Variants in GGCX observed in about 807,000 individuals in gnomAD.
GGCX encodes vitamin K-dependent gamma-carboxylase.
In GGCX, 63 loss-of-function variants were observed where a neutral mutation model predicts 88.5. That is an observed-to-expected ratio of 0.71 (90% confidence interval 0.58 to 0.88). The LOEUF is 0.88. Among genes scored for constraint, GGCX ranks in the 40% least tolerant of loss-of-function variants. The pLI, the probability that GGCX is intolerant of heterozygous loss-of-function variation, is 0.00. For missense variants in GGCX, 805 were observed against 932.9 expected, an observed-to-expected ratio of 0.86 and a Z score of 1.79; for synonymous variants, 368 against 365.8, an observed-to-expected ratio of 1.01 and a Z score of -0.07.
At position 85,544,921 on chromosome 2, in the gene GGCX, A is replaced by G. The variant is rs1691582602; in HGVS notation, c.*5013T>C. The G allele has an allele frequency of 6.6e-6, 1 of 152,536 alleles. No homozygotes were observed. 9.4% of individuals were successfully genotyped at this position (152,536 alleles called of 1,614,324 possible). On this transcript the variant is annotated 3_prime_UTR_variant, in exon 15 of 15. Transcript: ENST00000233838. ...AAGTACAGAGAAGCCATCACCTCAG[A>G]TGGCAGCTTTTAAAAGATTTTTTTT...
rs1691683596 is a variant in GGCX at position 85,546,707 on chromosome 2, A to G, written c.*3227T>C. On this transcript the variant is annotated 3_prime_UTR_variant, in exon 15 of 15. Transcript: ENST00000233838. ...CCAGAGCAAGGTTCCTTCTCAAAAA[A>G]CTTGGAAATCTGTTGGGAAGTAGGG... is the stretch of plus-strand genomic sequence containing the variant. 1 of 152,252 alleles carries G rather than the reference A, an allele frequency of 6.6e-6. No individual in the cohort carries two copies. The highest frequency in any genetic ancestry group is 1.5e-5 in the Non-Finnish European group (1 of 68,086). 9.4% of individuals were successfully genotyped at this position (152,252 alleles called of 1,614,324 possible). A position where few individuals can be genotyped will look rare whatever the true frequency, so the allele number is the denominator to read the frequency against.
chr2:85,561,115 G>A, intron 1 of GGCX, 130 bp from the exon 2 acceptor site: 1 of 799,204 alleles, frequency 1.3e-6, no homozygotes, highest in Non-Finnish European at 2.2e-6. Flanking sequence ...TCAATGATCT[G>A]ACTATAGGAA....
In GGCX at chr2:85,558,616, T is replaced by C. The variant is rs772475416; in HGVS notation, c.374-11A>G. 6.2e-7 allele frequency: 1 copy of C among 1,609,632 alleles called. No homozygotes were observed. Among genetic ancestry groups the C allele is most frequent in the South Asian group, 1.1e-5 (1 of 91,000 alleles). Reference sequence around the variant, plus strand: ...TCATGCCCAGTGCCCCTGGGATTTGTAGGGAGAGGATTAAGAGGTCAAGAG... The same window carrying C: ...TCATGCCCAGTGCCCCTGGGATTTGCAGGGAGAGGATTAAGAGGTCAAGAG... On this transcript the variant is annotated splice_polypyrimidine_tract_variant and intron_variant, in intron 3 of 14. Coordinates refer to ENST00000233838, the MANE Select transcript of GGCX (RefSeq NM_000821.7).
In GGCX at chr2:85,556,217, C is replaced by A; in HGVS notation, c.583G>T (p.Val195Leu). 6.2e-7 allele frequency: 1 copy of A among 1,613,206 alleles called. No homozygotes were observed. Among genetic ancestry groups the A allele is most frequent in the Non-Finnish European group, 8.5e-7 (1 of 1,179,172 alleles). Reference protein sequence around the residue: ...LLNAHRRNAHVPLWNYAVLRG... With the variant: ...LLNAHRRNAHLPLWNYAVLRG... ...AGCACTGCATAGTTCCAAAGGGGCA[C>A]GTGGGCATTCCTCCTATGGGCATTC... Residue 195 changes from valine to leucine, a missense_variant, in exon 5 of 15, where the codon GTG becomes TTG. Coordinates refer to ENST00000233838, the MANE Select transcript of GGCX (RefSeq NM_000821.7).
rs749076123 is a variant in GGCX, at chr2:85,551,551, G to T, written c.1669C>A (p.Gln557Lys). The change falls in exon 12 of 15, where the codon CAG (glutamine) becomes AAG (lysine). Residue 557 changes from glutamine to lysine, a missense_variant. Around this residue, in one of 3 missense-constraint regions of GGCX, gnomAD observed 680 missense variants for 763.7 expected, o/e 0.89. Transcript: ENST00000233838. ...DLGNTSIQLL[Q>K]GEVTVELVAE... ...ACAAGCTCCACAGTCACTTCCCCCT[G>T]CAGCAGCTGGATGCTAGTGTTGCCC... is the stretch of plus-strand genomic sequence containing the variant. 1 of 1,613,660 alleles carries T rather than the reference G, an allele frequency of 6.2e-7. No individual in the cohort carries two copies. The highest frequency in any genetic ancestry group is 1.1e-5 in the South Asian group (1 of 91,070).
chr2:85,551,788 G>T, intron 11 of GGCX, 24 bp downstream of exon 11: 1 of 1,607,298 alleles, frequency 6.2e-7, no homozygotes, highest in Non-Finnish European at 8.5e-7. Context: ...AGACAGAAAA[G>T]CCTCTCCTCA....
chr2:85,557,008 A>G (rs962343324), intron 4 of GGCX, among the ~76,000 whole-genome samples: 4 of 152,172 alleles, frequency 2.6e-5, no homozygotes, highest in African/African-American at 9.7e-5. Context: ...GTTCATACCT[A>G]TAATACCAAC....
rs771360828 is a variant in GGCX at position 85,558,630 on chromosome 2, A to G, written c.374-25T>C. On this transcript the variant is annotated intron_variant, in intron 3 of 14. Transcript: ENST00000233838. ...CCTGGGATTTGTAGGGAGAGGATTA[A>G]GAGGTCAAGAGATCACCACAGGCCC... 6.3e-5 allele frequency: 100 copies of G among 1,584,318 alleles called. 1 individual carries two copies. In the South Asian group the frequency reaches 9.1e-4, roughly 14 times the overall value.
Position 85,547,907 on chromosome 2 carries a change from A to G in GGCX, c.*2027T>C, listed in dbSNP as rs1409929245. On this transcript the variant is annotated 3_prime_UTR_variant, in exon 15 of 15. Coordinates refer to ENST00000233838, the MANE Select transcript of GGCX (RefSeq NM_000821.7). Reference sequence around the variant, plus strand: ...AAAATACAGATATAGGTAGTAATGAAAACAGATTTGGCTGGGCACGGTGGC... The same window carrying G: ...AAAATACAGATATAGGTAGTAATGAGAACAGATTTGGCTGGGCACGGTGGC... 6.6e-6 allele frequency: 1 copy of G among 152,208 alleles called. No individual in the cohort carries two copies. Among genetic ancestry groups the G allele is most frequent in the African/African-American group, 2.4e-5 (1 of 41,436 alleles). 9.4% of individuals were successfully genotyped at this position (152,208 alleles called of 1,614,324 possible).
In GGCX at chr2:85,561,377, TA is replaced by T; in HGVS notation, c.43+8del. 6.6e-7 allele frequency: 1 copy of T among 1,522,360 alleles called. No individual in the cohort carries two copies. The highest frequency in any genetic ancestry group is 8.9e-7 in the Non-Finnish European group (1 of 1,126,440). The allele number at this position is 1,522,360 out of a possible 1,614,324, so 94.3% of individuals were successfully genotyped here. A position where few individuals can be genotyped will look rare whatever the true frequency, so the allele number is the denominator to read the frequency against. On this transcript the variant is annotated splice_region_variant and intron_variant, in intron 1 of 14. Transcript: ENST00000233838. The stretch of plus-strand genomic sequence containing the variant: ...AACTCTCCGCCGGAGGGCGGGGTCC[TA>T]AGCCTACCTGAGCTGGGCGAGGTCC...
At position 85,550,012 on chromosome 2, in the gene GGCX, T is replaced by C; in HGVS notation, c.2199A>G (p.Glu733=). Residue 733 remains glutamate (E), a synonymous_variant, in exon 15 of 15, where the codon GAA becomes GAG. Coordinates refer to ENST00000233838, the MANE Select transcript of GGCX (RefSeq NM_000821.7). ...ANLRPFEAVG[E]LNPSNTDSSH... is the part of the protein sequence containing the mutation. ...AAGAATCCGTGTTTGAGGGATTCAG[T>C]TCTCCAACTGCCTCAAAGGGTCTCA... The C allele has an allele frequency of 6.2e-7, 1 of 1,612,484 alleles. No homozygotes were observed. The highest frequency in any genetic ancestry group is 8.5e-7 in the Non-Finnish European group (1 of 1,178,628).
chr2:85,558,802 G>A (rs1402126381), intron 3 of GGCX, 115 bp downstream of exon 3: 1 of 1,001,374 alleles, frequency 1.0e-6, no homozygotes, highest in African/African-American at 1.6e-5. Context: ...TCAACAGCAT[G>A]AAATTGATCA....
rs1465527774 is a variant in GGCX at position 85,546,674 on chromosome 2, A to T, written c.*3260T>A. 1 of 152,454 alleles carries T rather than the reference A, an allele frequency of 6.6e-6. No homozygotes were observed. Among genetic ancestry groups the T allele is most frequent in the African/African-American group, 2.4e-5 (1 of 41,474 alleles). 9.4% of individuals were successfully genotyped at this position (152,454 alleles called of 1,614,324 possible). ...AGCCGAGATGGCGCCATTGCACTCC[A>T]GCCTGGGCCAGAGCAAGGTTCCTTC... On this transcript the variant is annotated 3_prime_UTR_variant, in exon 15 of 15. Transcript: ENST00000233838.
intron 14 of GGCX, 31 bp downstream of exon 14, chr2:85,550,524 A>G (rs546395264): frequency 1.3e-6 from 2 of 1,513,328 alleles, no homozygotes; most frequent in Admixed American, 3.3e-5. Context: ...CCAACATATG[A>G]TGGCAATGAC....
Position 85,558,597 on chromosome 2 carries a change from C to T in GGCX, c.382G>A (p.Gly128Ser). The T allele has an allele frequency of 2.5e-6, 4 of 1,612,928 alleles. No homozygotes were observed. The highest frequency in any genetic ancestry group is 2.5e-6 in the Non-Finnish European group (3 of 1,178,930). The change falls in exon 4 of 15, where the codon GGC (glycine) becomes AGC (serine). Residue 128 changes from glycine to serine, a missense_variant. Physicochemically the swap from Gly to Ser is moderately conservative, Grantham distance 56. Transcript: ENST00000233838. ...CGGTAGCACAGGCCCAGCATCATGCCCAGTGCCCCTGGGATTTGTAGGGAG... is the reference window on the plus strand; with the variant it reads ...CGGTAGCACAGGCCCAGCATCATGCTCAGTGCCCCTGGGATTTGTAGGGAG... ...VYTIMFLGAL[G>S]MMLGLCYRIS...
At chr2:85,554,816 C>T (rs1573325999) in intron 6 of GGCX, 1 of 208,004 alleles carries the variant, frequency 4.8e-6, no homozygotes, top group South Asian at 8.2e-5. Flanking sequence ...TCTAACATAT[C>T]CTATGTAATA....
At chr2:85,552,897 G>C (rs1216437590) in intron 9 of GGCX, 42 bp downstream of exon 9, 7 of 1,610,812 alleles carry the variant, frequency 4.3e-6, no homozygotes, top group Non-Finnish European at 5.9e-6. Flanking sequence ...AAGCACAAGG[G>C]GGCTCTGAAG....
In GGCX at chr2:85,550,649, G is replaced by A. The variant is rs1433096507; in HGVS notation, c.1990C>T (p.Gln664Ter). The change falls in exon 14 of 15, where the codon CAA becomes TAA. Residue 664 changes from glutamine to a stop codon, truncating the protein, a stop_gained. Transcript: ENST00000233838. LOFTEE classifies it high-confidence loss of function. ...PLVQTFLRRQ[Q>*]RLQEIERRRN... ...CGGCGTTCAATCTCCTGGAGCCTTT[G>A]TTGGCGTCTAAGAAAGGTCTGAACC... is the stretch of plus-strand genomic sequence containing the variant. 6.2e-7 allele frequency: 1 copy of A among 1,613,834 alleles called. No individual in the cohort carries two copies. Among genetic ancestry groups the A allele is most frequent in the Admixed American group, 1.7e-5 (1 of 60,022 alleles).
rs1310265555 is a variant in GGCX, at chr2:85,544,804, T to A, written c.*5130A>T. ...GTAGCTACAGAGAAACCAGCTTCCT[T>A]CAGAGAGCAGTGCTTTTGGCGGGGA... On this transcript the variant is annotated 3_prime_UTR_variant, in exon 15 of 15. Coordinates refer to ENST00000233838, the MANE Select transcript of GGCX (RefSeq NM_000821.7). 1.3e-5 allele frequency: 2 copies of A among 152,642 alleles called. No individual in the cohort carries two copies. Among genetic ancestry groups the A allele is most frequent in the East Asian group, 3.8e-4 (2 of 5,206 alleles). 9.5% of individuals were successfully genotyped at this position (152,642 alleles called of 1,614,324 possible).
Sources: allele counts gnomAD v4.1 joint callset (sites outside exome capture counted in the v4.1 genomes callset), GRCh38; gene constraint gnomAD v4.1.1; regional missense constraint gnomAD v4.1.1; transcripts MANE v1.5; gene names NCBI Gene and HGNC (gene_info 2026-07-23, HGNC 2026-07-21).